RABL2B: variants seen among roughly 807,000 people sequenced by gnomAD.
RABL2B encodes the protein rab-like protein 2B.
In RABL2B, 17 loss-of-function variants were observed where a neutral mutation model predicts 26.7. That is an observed-to-expected ratio of 0.64 (90% CI 0.44 to 0.95). RABL2B has a LOEUF of 0.95. RABL2B is among the 40% of genes least tolerant of loss of function. The pLI is 0.00. For synonymous variants in RABL2B, 70 were observed against 103.9 expected, an observed-to-expected ratio of 0.67 and a Z score of 1.99; for missense variants, 170 against 277.2, an observed-to-expected ratio of 0.61 and a Z score of 2.75.
Position 50,775,945 on chromosome 22 carries a change from G to T in RABL2B, c.218-94C>A, listed in dbSNP as rs1283456834. 20 of 1,348,090 alleles carry T rather than the reference G, an allele frequency of 1.5e-5. No individual in the cohort carries two copies. In the African/African-American group the frequency reaches 2.6e-4, roughly 18 times the overall value. The allele number at this position is 1,348,090 out of a possible 1,614,324, so 83.5% of individuals were successfully genotyped here. A position where few individuals can be genotyped will look rare whatever the true frequency, so the allele number is the denominator to read the frequency against. ...ACATGCGGCACAAACCACAGCACAT[G>T]TGTGAGTGTACATGGGGAGCACAGG... is the stretch of plus-strand genomic sequence containing the variant. On this transcript the variant is annotated intron_variant, in intron 4 of 8. Coordinates refer to ENST00000691320, the MANE Select transcript of RABL2B (RefSeq NM_001130919.3).
chr22:50,775,583 A>C (rs569655598), intron 5 of RABL2B, among the ~76,000 whole-genome samples, 189 bp downstream of exon 5: 1 of 152,172 alleles, frequency 6.6e-6, no homozygotes, highest in East Asian at 1.9e-4. Context: ...CCGCCTACAG[A>C]GAGCTCACCT....
Position 50,768,170 on chromosome 22 carries a change from T to TCA in RABL2B, c.*604_*605dup, listed in dbSNP as rs1218226826. 1 of 191,716 alleles carries TCA rather than the reference T, an allele frequency of 5.2e-6. No individual in the cohort carries two copies. Among genetic ancestry groups the TCA allele is most frequent in the Admixed American group, 5.5e-5 (1 of 18,144 alleles). 11.9% of individuals were successfully genotyped at this position (191,716 alleles called of 1,614,324 possible). On this transcript the variant is annotated 3_prime_UTR_variant, in exon 9 of 9. Transcript: ENST00000691320. ...CAGGAGAATCGTTTGAACCAGGGAG[T>TCA]CAGAGGTTGCAGCGAGCCGAGACTG...
intron 2 of RABL2B, among the ~76,000 whole-genome samples, chr22:50,781,078 T>C (rs1345558812): frequency 2.1e-4 from 32 of 152,096 alleles, no homozygotes; most frequent in Admixed American, 5.2e-4. Flanking sequence ...CGGTGGCTCA[T>C]GCCTATAATC....
In RABL2B at chr22:50,769,898, G is replaced by A. The variant is rs2083888192; in HGVS notation, c.409+7C>T. On this transcript the variant is annotated splice_region_variant and intron_variant, in intron 6 of 8. Coordinates refer to ENST00000691320, the MANE Select transcript of RABL2B (RefSeq NM_001130919.3). ...TTGCTAACACCCAGGTGCAGGGATG[G>A]CCCCACCATCAATTTTATTGGCCAC... 6.2e-7 allele frequency: 1 copy of A among 1,612,150 alleles called. No homozygotes were observed. The highest frequency in any genetic ancestry group is 8.5e-7 in the Non-Finnish European group (1 of 1,178,848).
chr22:50,776,661 G>A lies in RABL2B; in HGVS notation c.217+9C>T. ...GAGGGTCAGCATGTCTTGGCCCTGT[G>A]CCACTTACCCACAAGGATGGTCCTT... On this transcript the variant is annotated intron_variant, in intron 4 of 8. Coordinates refer to ENST00000691320, the MANE Select transcript of RABL2B (RefSeq NM_001130919.3). 1 of 1,602,808 alleles carries A rather than the reference G, an allele frequency of 6.2e-7. No homozygotes were observed.
At chr22:50,771,104 A>G (rs2084095235) in intron 5 of RABL2B, 1 of 149,922 alleles carries the variant, frequency 6.7e-6, no homozygotes, top group Non-Finnish European at 1.5e-5. Flanking sequence ...GTGTGGTGGC[A>G]TAATCTCAGC....
chr22:50,769,363 T>TC, intron 7 of RABL2B, 92 bp downstream of exon 7: 4 of 1,612,280 alleles, frequency 2.5e-6, no homozygotes, highest in Non-Finnish European at 3.4e-6. Flanking sequence ...CCCGGTTCTC[T>TC]CCATCACACC....
chr22:50,768,607 C>T lies in RABL2B; in HGVS notation c.*169G>A. On this transcript the variant is annotated 3_prime_UTR_variant, in exon 9 of 9. Transcript: ENST00000691320. ...TCCACCAGTCCAGAGTTTGCTGGTGCTGACCTCATCCCTGTATCACGGGCC... is the reference window on the plus strand; with the variant it reads ...TCCACCAGTCCAGAGTTTGCTGGTGTTGACCTCATCCCTGTATCACGGGCC... The T allele has an allele frequency of 1.4e-6, 2 of 1,444,794 alleles. No individual in the cohort carries two copies. The highest frequency in any genetic ancestry group is 1.8e-6 in the Non-Finnish European group (2 of 1,091,030). The allele number at this position is 1,444,794 out of a possible 1,614,324, so 89.5% of individuals were successfully genotyped here.
intron 5 of RABL2B, among the ~76,000 whole-genome samples, chr22:50,775,328 C>CG (rs1227635869): frequency 2.0e-5 from 3 of 152,138 alleles, no homozygotes; most frequent in East Asian, 1.9e-4. Context: ...ATGGGAGGCT[C>CG]GGGGGGAGGC....
Position 50,768,410 on chromosome 22 carries a change from A to C in RABL2B, c.*366T>G. 1 of 324,220 alleles carries C rather than the reference A, an allele frequency of 3.1e-6. No homozygotes were observed. The highest frequency in any genetic ancestry group is 8.5e-5 in the East Asian group (1 of 11,776). The allele number at this position is 324,220 out of a possible 1,614,324, so 20.1% of individuals were successfully genotyped here. A position where few individuals can be genotyped will look rare whatever the true frequency, so the allele number is the denominator to read the frequency against. On this transcript the variant is annotated 3_prime_UTR_variant, in exon 9 of 9. Transcript: ENST00000691320. ...TGTCCCCGAGGTGAGCTTTGGAAAG[A>C]AAACAAAAACAAAAACAAAAACACC...
intron 2 of RABL2B, among the ~76,000 whole-genome samples, chr22:50,780,948 G>A (rs1156679564): frequency 6.6e-6 from 1 of 152,180 alleles, no homozygotes; most frequent in Non-Finnish European, 1.5e-5. Context: ...TGGGGATAAA[G>A]GGGGTGTTAT....
rs531713815 is a variant in RABL2B at position 50,773,151 on chromosome 22, C to T, written c.297+2621G>A. The T allele has an allele frequency of 4.7e-6, 6 of 1,265,318 alleles. No homozygotes were observed. The East Asian group carries it at 2.8e-4, about 59-fold the overall frequency. 78.4% of individuals were successfully genotyped at this position (1,265,318 alleles called of 1,614,324 possible). On this transcript the variant is annotated intron_variant, in intron 5 of 8. Coordinates refer to ENST00000691320, the MANE Select transcript of RABL2B (RefSeq NM_001130919.3). ...GAGGTGAGCTCAAAATACCAAATGC[C>T]ACTGTAGGCCTGAAACCAAACTGGC...
rs781788061 is a variant in RABL2B, at chr22:50,767,901, A to G, written c.*875T>C. Reference sequence around the variant, plus strand: ...CTTTACCTAGAAGAGCTCCTGAAACAGAATGGGTACACGAAAATCTGGAAT... The same window carrying G: ...CTTTACCTAGAAGAGCTCCTGAAACGGAATGGGTACACGAAAATCTGGAAT... On this transcript the variant is annotated 3_prime_UTR_variant, in exon 9 of 9. Transcript: ENST00000691320. 1.1e-5 allele frequency: 4 copies of G among 348,528 alleles called. No homozygotes were observed. Among genetic ancestry groups the G allele is most frequent in the Non-Finnish European group, 1.7e-5 (3 of 180,678 alleles). The allele number at this position is 348,528 out of a possible 1,614,324, so 21.6% of individuals were successfully genotyped here.
At chr22:50,772,903 G>A in intron 5 of RABL2B, 7 of 1,198,044 alleles carry the variant, frequency 5.8e-6, no homozygotes, top group Non-Finnish European at 7.5e-6. Context: ...TCAAGGTGGA[G>A]GGTCGAGCCC....
rs1569136558 is a variant in RABL2B at position 50,768,028 on chromosome 22, G to T, written c.*748C>A. The T allele has an allele frequency of 3.6e-6, 1 of 281,588 alleles. No homozygotes were observed. Among genetic ancestry groups the T allele is most frequent in the Non-Finnish European group, 7.0e-6 (1 of 143,686 alleles). 17.4% of individuals were successfully genotyped at this position (281,588 alleles called of 1,614,324 possible). ...CCAGCACTTTGGGAGGCCGAGGCGG[G>T]CGGATCACGAGGTGAGGAGATCGAG... On this transcript the variant is annotated 3_prime_UTR_variant, in exon 9 of 9. Coordinates refer to ENST00000691320, the MANE Select transcript of RABL2B (RefSeq NM_001130919.3).
In RABL2B at chr22:50,767,550, C is replaced by G. The variant is rs549226418; in HGVS notation, c.*1226G>C. The G allele has an allele frequency of 3.0e-6, 1 of 334,492 alleles. No homozygotes were observed. Among genetic ancestry groups the G allele is most frequent in the Admixed American group, 4.5e-5 (1 of 22,204 alleles). The allele number at this position is 334,492 out of a possible 1,614,324, so 20.7% of individuals were successfully genotyped here. On this transcript the variant is annotated 3_prime_UTR_variant, in exon 9 of 9. Transcript: ENST00000691320. ...ACTGTAAAAAAGGAAACAACAAAAA[C>G]AAAACCCTATTAATAAACACAATGC...
At chr22:50,775,401 C>T (rs1284720320) in intron 5 of RABL2B, among the ~76,000 whole-genome samples, 3 of 152,258 alleles carry the variant, frequency 2.0e-5, no homozygotes, top group Middle Eastern at 3.4e-3. Flanking sequence ...TCCCAGCGTG[C>T]GCCCCCTAGG....
intron 4 of RABL2B, 88 bp from the exon 5 acceptor site, chr22:50,775,939 G>C (rs2084917711): frequency 5.5e-6 from 8 of 1,448,156 alleles, no homozygotes; most frequent in Non-Finnish European, 7.8e-6. Flanking sequence ...ACAAACCACA[G>C]CACATGTGTG....
chr22:50,777,735 C>T (rs1246184945), intron 3 of RABL2B: 3 of 668,986 alleles, frequency 4.5e-6, no homozygotes, highest in Non-Finnish European at 8.2e-6. Flanking sequence ...TAATATAAAA[C>T]AATCCAAATA....
Sources: allele counts gnomAD v4.1 joint callset (sites outside exome capture counted in the v4.1 genomes callset), GRCh38; gene constraint gnomAD v4.1.1; transcripts MANE v1.5; gene names NCBI Gene and HGNC (gene_info 2026-07-23, HGNC 2026-07-21).